The following MAGI1 variants were observed in gnomAD, a reference collection of about 807,000 sequenced individuals.
MAGI1 encodes the protein membrane associated guanylate kinase, WW and PDZ domain containing 1, also known as membrane-associated guanylate kinase, WW and PDZ domain-containing protein 1.
A neutral mutation model predicts 139.9 loss-of-function variants in MAGI1; 58 were observed. The ratio of observed to expected loss-of-function variants is 0.41; its 90% CI spans 0.34 to 0.52. The LOEUF (loss-of-function observed/expected upper bound fraction) is 0.52, where lower values mean the gene tolerates loss of function less well. MAGI1 is among the 20% of genes least tolerant of loss of function. The probability of loss-of-function intolerance (pLI) is 0.12; values close to 1 mark genes in which losing one functional copy is unlikely to be tolerated. For missense variants in MAGI1, 1,874 were observed against 1,901.6 expected (o/e 0.99, Z 0.27); for synonymous variants, 812 against 737.9 (o/e 1.10, Z -1.63).
At chr3:65,493,397 C>T in intron 3 of MAGI1, 115 bp downstream of exon 3, 1 of 1,210,138 alleles carries the variant, frequency 8.3e-7, no homozygotes, top group Non-Finnish European at 1.2e-6. Context: ...GAACTGAAAT[C>T]TCCTGTTATT....
intron 14 of MAGI1, 59 bp from the exon 15 acceptor site, chr3:65,383,682 C>A: frequency 2.0e-6 from 2 of 992,572 alleles, no homozygotes; most frequent in Admixed American, 3.4e-5. Context: ...AATGATACCC[C>A]CAAGATGAAC....
Position 65,364,443 on chromosome 3 carries a change from A to AT in MAGI1, c.3351+221dup, listed in dbSNP as rs1009759316. 1.5e-4 allele frequency among the ~76,000 whole-genome samples: 23 copies of AT among 151,996 alleles called. No homozygotes were observed. In the East Asian group the frequency reaches 2.7e-3, roughly 18 times the overall value. ...ATCCTTGTGACAATTACTGCTTTTC[A>AT]TTTTTTTTCCCCTAGAAAAGGCTAT... On this transcript the variant is annotated intron_variant, in intron 20 of 22. Transcript: ENST00000402939.
chr3:65,875,321 C>A (rs1419843189), intron 1 of MAGI1, among the ~76,000 whole-genome samples: 1 of 152,070 alleles, frequency 6.6e-6, no homozygotes, highest in Non-Finnish European at 1.5e-5. Context: ...GATGGCTGCA[C>A]AATTCTCTGA....
intron 1 of MAGI1, among the ~76,000 whole-genome samples, chr3:65,788,814 C>T (rs2643737): frequency 0.98 from 148,893 of 152,280 alleles, 72,889 homozygotes; most frequent in Middle Eastern, 1. Context: ...TCAGTGAAAA[C>T]ACAAGGAAAA....
At chr3:65,507,599 C>A (rs2077350396) in intron 2 of MAGI1, among the ~76,000 whole-genome samples, 5 of 152,184 alleles carry the variant, frequency 3.3e-5, no homozygotes, top group African/African-American at 1.2e-4. Flanking sequence ...CAGCCCCTTC[C>A]ATTACCTTAT....
intron 1 of MAGI1, among the ~76,000 whole-genome samples, chr3:65,749,012 G>A (rs941165693): frequency 1.3e-5 from 2 of 152,156 alleles, no homozygotes; most frequent in African/African-American, 2.4e-5. Context: ...AGTAGGGGTG[G>A]ACAGTAGATG....
At chr3:65,445,399 C>T (rs1256278132) in intron 7 of MAGI1, among the ~76,000 whole-genome samples, 3 of 152,214 alleles carry the variant, frequency 2.0e-5, no homozygotes, top group Non-Finnish European at 4.4e-5. Flanking sequence ...GGACAGATGT[C>T]TGTGGCCTGT....
rs80033926 is a variant in MAGI1 at position 65,596,313 on chromosome 3, G to A, written c.430+25659C>T. ...CAATGCCCTCATGCAAAAGCTTCCC[G>A]TTTTACTGAAACCCCCAACAAATGT... On this transcript the variant is annotated intron_variant, in intron 2 of 22. Coordinates refer to ENST00000402939, the MANE Select transcript of MAGI1 (RefSeq NM_001033057.2). Among the ~76,000 whole-genome samples the A allele has an allele frequency of 7.1e-3, 1,082 of 152,214 alleles. 14 individuals carry two copies. Among genetic ancestry groups the A allele is most frequent in the African/African-American group, 0.024 (984 of 41,520 alleles).
At chr3:65,674,498 C>T (rs1049296811) in intron 1 of MAGI1, among the ~76,000 whole-genome samples, 3 of 152,208 alleles carry the variant, frequency 2.0e-5, no homozygotes, top group African/African-American at 7.2e-5. Flanking sequence ...CTATGCATCA[C>T]AAGAACAACC....
chr3:65,667,112 G>A (rs2086582196), intron 1 of MAGI1, among the ~76,000 whole-genome samples: 1 of 152,274 alleles, frequency 6.6e-6, no homozygotes, highest in Middle Eastern at 3.4e-3. Flanking sequence ...GAAAAAAGGT[G>A]TTCAAATTAT....
At chr3:65,920,070 C>T (rs1349389274) in intron 1 of MAGI1, among the ~76,000 whole-genome samples, 1 of 152,178 alleles carries the variant, frequency 6.6e-6, no homozygotes, top group Non-Finnish European at 1.5e-5. Context: ...AATCAGTGAA[C>T]AAACCACATT....
intron 5 of MAGI1, among the ~76,000 whole-genome samples, chr3:65,454,740 T>G (rs5002412): frequency 1.3e-5 from 2 of 149,844 alleles, no homozygotes; most frequent in African/African-American, 4.9e-5. Context: ...AAAAAACATA[T>G]GGCTTAAGAG....
chr3:65,603,531 G>T (rs962889213), intron 2 of MAGI1, among the ~76,000 whole-genome samples: 1 of 152,206 alleles, frequency 6.6e-6, no homozygotes, highest in Non-Finnish European at 1.5e-5. Flanking sequence ...ACCATAGAAC[G>T]TAGATAAAAG....
intron 1 of MAGI1, among the ~76,000 whole-genome samples, chr3:65,816,967 T>C (rs1193455143): frequency 1.3e-5 from 2 of 152,216 alleles, no homozygotes; most frequent in African/African-American, 4.8e-5. Context: ...GATAGCGGAA[T>C]AATGGAGCAT....
At chr3:65,448,109 C>A in intron 6 of MAGI1, 52 bp from the exon 7 acceptor site, 1 of 1,519,590 alleles carries the variant, frequency 6.6e-7, no homozygotes, top group Non-Finnish European at 9.1e-7. Flanking sequence ...AAGCAAAATT[C>A]AGACACCAGC....
At chr3:65,360,467 A>T (rs1940724913) in intron 22 of MAGI1, 2 of 984,760 alleles carry the variant, frequency 2.0e-6, no homozygotes, top group Admixed American at 6.2e-5. Flanking sequence ...ATTGCTGTCT[A>T]CTCAAATCAA....
intron 1 of MAGI1, among the ~76,000 whole-genome samples, chr3:65,908,543 C>CA (rs751586972): frequency 2.0e-4 from 30 of 152,234 alleles, no homozygotes; most frequent in Non-Finnish European, 3.8e-4. Context: ...CTCGGCCTCC[C>CA]AAAGTGCTGG....
In MAGI1 at chr3:65,406,554, C is replaced by T. The variant is rs555886781; in HGVS notation, c.2168-5084G>A. On this transcript the variant is annotated intron_variant, in intron 12 of 22. Transcript: ENST00000402939. ...TATTCATTCCCCTCTGCATTTGGGT[C>T]TCCCGACTTCAGCATTTTAGTGGAA... Among the ~76,000 whole-genome samples, 7 of 152,248 alleles carry T rather than the reference C, an allele frequency of 4.6e-5. 1 individual carries two copies. In the South Asian group the frequency reaches 1.5e-3, roughly 32 times the overall value.
chr3:65,674,266 A>G (rs867139260), intron 1 of MAGI1, among the ~76,000 whole-genome samples: 2 of 152,300 alleles, frequency 1.3e-5, no homozygotes, highest in South Asian at 4.1e-4. Context: ...GCCCAACAAG[A>G]CAATACACAA....
Sources: gnomAD v4.1 joint callset for allele counts (sites outside exome capture counted in the v4.1 genomes callset) on GRCh38, gnomAD v4.1.1 for gene constraint, MANE v1.5 for transcripts, NCBI Gene and HGNC (gene_info 2026-07-23, HGNC 2026-07-21) for gene names.